The following PPIH variants were observed in gnomAD, a reference collection of about 807,000 sequenced individuals.
PPIH encodes the protein peptidyl-prolyl cis-trans isomerase H.
Under a neutral mutation model 27.6 loss-of-function variants are expected in PPIH, and 16 were observed. The ratio of observed to expected loss-of-function variants is 0.58; its 90% CI spans 0.39 to 0.88. PPIH has a LOEUF of 0.88. PPIH is among the 40% of genes least tolerant of loss of function. The pLI is 0.00. For missense variants in PPIH, 155 were observed against 224.1 expected (o/e 0.69, Z 1.97); for synonymous variants, 63 against 76.1 (o/e 0.83, Z 0.90).
At chr1:42,670,345 T>G (rs913974498) in intron 9 of PPIH, among the ~76,000 whole-genome samples, 2 of 152,142 alleles carry the variant, frequency 1.3e-5, no homozygotes, top group Non-Finnish European at 2.9e-5. Flanking sequence ...CATAGGTCCT[T>G]TCTTTTCAAA....
downstream of PPIH, among the ~76,000 whole-genome samples, chr1:42,680,676 C>G (rs1257045749): frequency 6.6e-6 from 1 of 152,142 alleles, no homozygotes; most frequent in Non-Finnish European, 1.5e-5. Flanking sequence ...CAGCACTGCT[C>G]TATGCTAGGG....
chr1:42,661,084 C>A (rs1046807241), intron 5 of PPIH, 180 bp downstream of exon 5: 1 of 583,480 alleles, frequency 1.7e-6, no homozygotes, highest in Non-Finnish European at 3.0e-6. Flanking sequence ...GTACGACTGA[C>A]TGTAGATAAC....
intron 6 of PPIH, 95 bp downstream of exon 6, chr1:42,665,050 C>T: frequency 9.8e-7 from 1 of 1,016,898 alleles, no homozygotes. Flanking sequence ...GAAGCAAATG[C>T]TTTCCTTCTC....
intron 2 of PPIH, 24 bp downstream of exon 2, chr1:42,658,932 T>TG: frequency 6.2e-7 from 1 of 1,612,280 alleles, no homozygotes; most frequent in East Asian, 2.2e-5. Flanking sequence ...CCAGCTCCGC[T>TG]GGATTAGCTG....
chr1:42,680,951 GAA>G (rs1650003378), downstream of PPIH, among the ~76,000 whole-genome samples: 2 of 152,148 alleles, frequency 1.3e-5, no homozygotes, highest in South Asian at 4.1e-4. Context: ...CAGTAGGAAT[GAA>G]AAGACTCTGA....
rs559172861 is a variant in PPIH, at chr1:42,665,719, A to T, written c.337-261A>T. ...AAAAAAATTAGCCAGGTGTGGTGAC[A>T]CACACCTGTAGTCCCATCTACTAGG... On this transcript the variant is annotated intron_variant, in intron 6 of 9. Transcript: ENST00000304979. Among the ~76,000 whole-genome samples the T allele has an allele frequency of 6.6e-5, 10 of 151,962 alleles. No individual in the cohort carries two copies. In the East Asian group the frequency reaches 1.9e-3, roughly 30 times the overall value.
At chr1:42,658,783 T>C in intron 1 of PPIH, 61 bp from the exon 2 acceptor site, 2 of 1,579,520 alleles carry the variant, frequency 1.3e-6, no homozygotes, top group Non-Finnish European at 1.7e-6. Context: ...TCATGCCCCC[T>C]GCTCCGTGAA....
intron 9 of PPIH, among the ~76,000 whole-genome samples, chr1:42,670,626 T>A (rs921302130): frequency 6.6e-6 from 1 of 151,752 alleles, no homozygotes; most frequent in Non-Finnish European, 1.5e-5. Flanking sequence ...CAGGTGGCCA[T>A]TGTACATTCC....
chr1:42,671,873 ATTTC>A (rs1427753613), intron 9 of PPIH, among the ~76,000 whole-genome samples: 12 of 141,240 alleles, frequency 8.5e-5, no homozygotes, highest in Admixed American at 2.2e-4. Flanking sequence ...ATTGGGCAGT[ATTTC>A]TTTCTTTCTT....
At chr1:42,667,061 C>T (rs539506174) in intron 8 of PPIH, among the ~76,000 whole-genome samples, 6 of 152,292 alleles carry the variant, frequency 3.9e-5, no homozygotes, top group African/African-American at 1.4e-4. Context: ...TCAAATACCC[C>T]TCTTTTGTGA....
chr1:42,666,538 T>C lies in PPIH; in HGVS notation c.425-9T>C. ...CAAGAATAAAGTCCAGCTCATGCTC[T>C]TCCTACAGGAAAAATCATCGATGGA... On this transcript the variant is annotated splice_polypyrimidine_tract_variant and intron_variant, in intron 7 of 9. Coordinates refer to ENST00000304979, the MANE Select transcript of PPIH (RefSeq NM_006347.4). 5 of 1,613,630 alleles carry C rather than the reference T, an allele frequency of 3.1e-6. No homozygotes were observed. Among genetic ancestry groups the C allele is most frequent in the East Asian group, 2.2e-5 (1 of 44,876 alleles).
intron 9 of PPIH, among the ~76,000 whole-genome samples, chr1:42,673,334 C>T (rs1649736905): frequency 6.6e-6 from 1 of 152,078 alleles, no homozygotes; most frequent in Non-Finnish European, 1.5e-5. Context: ...ATAAATGAAC[C>T]TCTACACTCA....
In PPIH at chr1:42,661,049, T is replaced by C. The variant is rs954346617; in HGVS notation, c.243+145T>C. 5 of 713,860 alleles carry C rather than the reference T, an allele frequency of 7.0e-6. No individual in the cohort carries two copies. The African/African-American group carries it at 7.2e-5, about 10-fold the overall frequency. The allele number at this position is 713,860 out of a possible 1,614,324, so 44.2% of individuals were successfully genotyped here. ...ATGTGGGTGTTGGAGAGAATGGTGATGGGGAAGTTCTTGAAAGTGGCTGGG... is the reference window on the plus strand; with the variant it reads ...ATGTGGGTGTTGGAGAGAATGGTGACGGGGAAGTTCTTGAAAGTGGCTGGG... On this transcript the variant is annotated intron_variant, in intron 5 of 9. Coordinates refer to ENST00000304979, the MANE Select transcript of PPIH (RefSeq NM_006347.4).
intron 5 of PPIH, among the ~76,000 whole-genome samples, chr1:42,664,434 A>G (rs1387174032): frequency 1.3e-5 from 2 of 152,214 alleles, no homozygotes; most frequent in African/African-American, 4.8e-5. Context: ...CATGTTGTAC[A>G]TACAGACTGC....
At chr1:42,667,761 G>T (rs1649421773) in intron 9 of PPIH, among the ~76,000 whole-genome samples, 1 of 152,222 alleles carries the variant, frequency 6.6e-6, no homozygotes, top group Non-Finnish European at 1.5e-5. Context: ...TCAGACTACA[G>T]TTCCATTCAG....
At chr1:42,673,223 G>T (rs868717952) in intron 9 of PPIH, among the ~76,000 whole-genome samples, 1 of 152,082 alleles carries the variant, frequency 6.6e-6, no homozygotes, top group Non-Finnish European at 1.5e-5. Context: ...GGCTTCAAGC[G>T]ATCTTCCCAC....
chr1:42,675,578 A>G (rs1412532418), intron 9 of PPIH, among the ~76,000 whole-genome samples: 1 of 152,160 alleles, frequency 6.6e-6, no homozygotes, highest in African/African-American at 2.4e-5. Flanking sequence ...ATACATTTTC[A>G]TACACTTTGC....
chr1:42,678,824 G>A (rs1378146606), downstream of PPIH: 1 of 152,190 alleles, frequency 6.6e-6, no homozygotes, highest in African/African-American at 2.4e-5. Context: ...GAGAGGAAGA[G>A]GGAAAAAAAA....
rs552838940 is a variant in PPIH, at chr1:42,666,036, C to T, written c.393C>T (p.Cys131=). The change falls in exon 7 of 10, where the codon TGC becomes TGT. Residue 131 remains cysteine, a synonymous_variant. Coordinates refer to ENST00000304979, the MANE Select transcript of PPIH (RefSeq NM_006347.4). ...AGTTCTTTATCACCTGCTCTAAGTG[C>T]GATTGGCTGGATGGGAAGCATGTGG... ...GCQFFITCSK[C]DWLDGKHVVF... 12 of 1,614,150 alleles carry T rather than the reference C, an allele frequency of 7.4e-6. No homozygotes were observed. Among genetic ancestry groups the T allele is most frequent in the East Asian group, 2.2e-5 (1 of 44,890 alleles).
Sources: allele counts gnomAD v4.1 joint callset (sites outside exome capture counted in the v4.1 genomes callset), GRCh38; gene constraint gnomAD v4.1.1; transcripts MANE v1.5; gene names NCBI Gene and HGNC (gene_info 2026-07-23, HGNC 2026-07-21).